SFPQ: variants seen among roughly 807,000 people sequenced by gnomAD.
SFPQ encodes splicing factor, proline- and glutamine-rich.
SFPQ carries 11 observed loss-of-function variants against 72.9 expected under a neutral mutation model. The observed-to-expected ratio is 0.15, with a 90% confidence interval of 0.09 to 0.25. The LOEUF is 0.25. SFPQ is among the 10% of genes least tolerant of loss of function. The probability of loss-of-function intolerance (pLI) is 1.00; values close to 1 mark genes in which losing one functional copy is unlikely to be tolerated. For missense variants in SFPQ, 847 were observed against 993.3 expected, an observed-to-expected ratio of 0.85 and a Z score of 1.98; for synonymous variants, 506 against 367.3, an observed-to-expected ratio of 1.38 and a Z score of -4.32.
chr1:35,181,382 A>G (rs1224846356), downstream of SFPQ: 2 of 1,064,490 alleles, frequency 1.9e-6, no homozygotes, highest in East Asian at 5.0e-5. Context: ...TTAATCTGCC[A>G]TAATATGCCA....
chr1:35,192,706 G>A lies in SFPQ; in HGVS notation c.344C>T (p.Pro115Leu). The change falls in exon 1 of 10, where the codon CCC becomes CTC. Residue 115 changes from proline (P) to leucine (L), a missense_variant. Physicochemically the swap from Pro to Leu is moderately conservative, Grantham distance 98. This residue lies in a region of SFPQ where 498 missense variants were observed against 405.1 expected (regional missense o/e 1.23). Transcript: ENST00000357214. ...DSSKPVVAQG[P>L]GPAPGVGSAP... ...GCTGCCTACTCCGGGAGCGGGGCCG[G>A]GTCCCTGAGCAACGACGGGCTTGGA... The A allele has an allele frequency of 6.8e-7, 1 of 1,460,140 alleles. No individual in the cohort carries two copies. The highest frequency in any genetic ancestry group is 2.8e-5 in the East Asian group (1 of 35,182). The allele number at this position is 1,460,140 out of a possible 1,614,324, so 90.4% of individuals were successfully genotyped here.
intron 4 of SFPQ, among the ~76,000 whole-genome samples, chr1:35,190,047 G>A (rs541191532): frequency 2.1e-4 from 32 of 152,192 alleles, no homozygotes; most frequent in South Asian, 6.2e-4. Context: ...ACTCACCTGA[G>A]GTCAGGAGTT....
At chr1:35,179,486 G>A (rs1321472996), downstream of SFPQ, 5 of 1,054,512 alleles carry the variant, frequency 4.7e-6, no homozygotes, top group Non-Finnish European at 5.7e-6. Context: ...AATAATTTTG[G>A]TTTGTAACAA....
chr1:35,188,042 T>C lies in SFPQ; in HGVS notation c.1746A>G (p.Gln582=), dbSNP rs199528844. ...GCCTCATTTGTTCTTCCATCTCACG[T>C]TGACGAATCATCATCTCTTCCTCTC... ...RRREEEMMIR[Q]REMEEQMRRQ... Residue 582 remains glutamine, a synonymous_variant, in exon 7 of 10, where the codon CAA becomes CAG. Coordinates refer to ENST00000357214, the MANE Select transcript of SFPQ (RefSeq NM_005066.3). 2.8e-5 allele frequency: 46 copies of C among 1,614,170 alleles called. No individual in the cohort carries two copies. Among genetic ancestry groups the C allele is most frequent in the East Asian group, 1.8e-4 (8 of 44,878 alleles).
chr1:35,180,679 T>C (rs1639429892), downstream of SFPQ: 2 of 1,055,646 alleles, frequency 1.9e-6, no homozygotes, highest in Middle Eastern at 4.3e-4. Flanking sequence ...ACTTGTAGAA[T>C]TACCAAGATT....
chr1:35,181,411 G>C (rs748969573), downstream of SFPQ: 10 of 1,063,854 alleles, frequency 9.4e-6, no homozygotes, highest in Non-Finnish European at 1.1e-5. Context: ...TTGCACAGGC[G>C]TAACATTACA....
In SFPQ at chr1:35,193,121, T is replaced by TC. The variant is rs1322076242; in HGVS notation, c.-73dup. The TC allele has an allele frequency of 1.3e-6, 2 of 1,485,180 alleles. No homozygotes were observed. Among genetic ancestry groups the TC allele is most frequent in the Non-Finnish European group, 1.8e-6 (2 of 1,125,674 alleles). 92.0% of individuals were successfully genotyped at this position (1,485,180 alleles called of 1,614,324 possible). A position where few individuals can be genotyped will look rare whatever the true frequency, so the allele number is the denominator to read the frequency against. ...GGAAACGTGGAGGCCACCTTGCTTC[T>TC]CACAAAATGGCGGATGACACAGGCG... On this transcript the variant is annotated 5_prime_UTR_variant, in exon 1 of 10. Transcript: ENST00000357214.
chr1:35,177,259 T>C (rs1201944753), intron 5 of SFPQ: 1 of 152,180 alleles, frequency 6.6e-6, no homozygotes, highest in African/African-American at 2.4e-5. Flanking sequence ...ATTGTTATTT[T>C]TGTACCACCC....
chr1:35,182,759 C>G, downstream of SFPQ: 1 of 985,372 alleles, frequency 1.0e-6, no homozygotes, highest in Non-Finnish European at 1.2e-6. Flanking sequence ...CAAAGCCAAA[C>G]CATTCAATTA....
chr1:35,189,928 G>T (rs1179773872), intron 4 of SFPQ, among the ~76,000 whole-genome samples: 1 of 151,658 alleles, frequency 6.6e-6, no homozygotes. Flanking sequence ...TCCAGCCTGG[G>T]AAACAACAGC....
downstream of SFPQ, chr1:35,178,620 G>A (rs1478002717): frequency 1.9e-6 from 2 of 1,056,628 alleles, no homozygotes; most frequent in Admixed American, 1.1e-4. Context: ...ATGCCTTACT[G>A]GGACAGCAAG....
chr1:35,189,581 T>G (rs111665748), intron 4 of SFPQ, among the ~76,000 whole-genome samples, 199 bp from the exon 5 acceptor site: 1,598 of 152,276 alleles, frequency 0.01, 21 homozygotes, highest in African/African-American at 0.037. Flanking sequence ...TGGAGATAAA[T>G]CCTACCTTCC....
Position 35,192,528 on chromosome 1 carries a change from G to A in SFPQ, c.522C>T (p.Val174=). 2 of 1,330,112 alleles carry A rather than the reference G, an allele frequency of 1.5e-6. No individual in the cohort carries two copies. The highest frequency in any genetic ancestry group is 2.0e-5 in the South Asian group (1 of 48,942). 82.4% of individuals were successfully genotyped at this position (1,330,112 alleles called of 1,614,324 possible). The change falls in exon 1 of 10, where the codon GTC becomes GTT. Residue 174 remains valine, a synonymous_variant. Transcript: ENST00000357214. ...CTCCGGCCTGAGGAGGTGTGGTAGG[G>A]ACCCCGCTGCTTGGCGGGGTGGGTG... ...APPPTPPSSG[V]PTTPPQAGGP... is the part of the protein sequence containing the mutation.
At chr1:35,176,629 G>C (rs1639248248) in intron 5 of SFPQ, among the ~76,000 whole-genome samples, 1 of 152,068 alleles carries the variant, frequency 6.6e-6, no homozygotes, top group South Asian at 2.1e-4. Context: ...CAGCACTTTG[G>C]GAGGCCAAGG....
intron 1 of SFPQ, among the ~76,000 whole-genome samples, chr1:35,191,749 G>A (rs921323552): frequency 4.7e-5 from 7 of 148,940 alleles, no homozygotes; most frequent in Non-Finnish European, 7.4e-5. Context: ...CTTCCCCAAA[G>A]AGTAGACGTC....
Position 35,183,251 on chromosome 1 carries a change from C to G in SFPQ, c.*1205G>C, listed in dbSNP as rs1036713408. On this transcript the variant is annotated 3_prime_UTR_variant, in exon 10 of 10. Transcript: ENST00000357214. ...TTTTTTTTTTTTTGAGACAGAGTCT[C>G]GCTCTGTTGTCCAGGCTGGAGTGCA... 4 of 862,016 alleles carry G rather than the reference C, an allele frequency of 4.6e-6. No homozygotes were observed. Among genetic ancestry groups the G allele is most frequent in the Non-Finnish European group, 5.6e-6 (4 of 709,826 alleles). 53.4% of individuals were successfully genotyped at this position (862,016 alleles called of 1,614,324 possible).
Position 35,186,998 on chromosome 1 carries a change from T to TAC in SFPQ, c.1986+1_1986+2dup. 1 of 1,613,126 alleles carries TAC rather than the reference T, an allele frequency of 6.2e-7. No individual in the cohort carries two copies. The highest frequency in any genetic ancestry group is 8.5e-7 in the Non-Finnish European group (1 of 1,179,238). The stretch of plus-strand genomic sequence containing the variant: ...TGGTACTACGTCCCACAGGATACAT[T>TAC]ACCATGTCACTTCCCATCATGGAAC... On this transcript the variant is annotated splice_region_variant and intron_variant, in intron 9 of 9. Transcript: ENST00000357214.
chr1:35,189,456 C>G, intron 4 of SFPQ, 74 bp from the exon 5 acceptor site: 1 of 1,192,966 alleles, frequency 8.4e-7, no homozygotes, highest in Non-Finnish European at 1.2e-6. Context: ...TAGTACTGAT[C>G]TTTTTCCTGT....
intron 7 of SFPQ, among the ~76,000 whole-genome samples, chr1:35,187,574 T>C (rs546038360): frequency 2.6e-5 from 4 of 152,094 alleles, no homozygotes; most frequent in East Asian, 1.9e-4. Context: ...CTACTAAAAA[T>C]ACAAAAATTA....
Sources: gnomAD v4.1 joint callset for allele counts (sites outside exome capture counted in the v4.1 genomes callset) on GRCh38, gnomAD v4.1.1 for gene constraint, gnomAD v4.1.1 regional missense constraint, MANE v1.5 for transcripts, NCBI Gene and HGNC (gene_info 2026-07-23, HGNC 2026-07-21) for gene names.